Variants in AHRR observed in about 807,000 individuals in gnomAD.
The protein encoded by AHRR is aryl hydrocarbon receptor repressor, also known as ahR repressor.
AHRR carries 28 observed loss-of-function variants against 44.0 expected under a neutral mutation model. That is an observed-to-expected ratio of 0.64 (90% confidence interval 0.47 to 0.87). The LOEUF (loss-of-function observed/expected upper bound fraction) is 0.87, where lower values mean the gene tolerates loss of function less well. Ranked by LOEUF, AHRR falls within the 40% of genes least tolerant of loss-of-function variation. The probability of loss-of-function intolerance (pLI) is 0.00; values close to 1 mark genes in which losing one functional copy is unlikely to be tolerated. For missense variants in AHRR, 990 were observed against 953.9 expected, an observed-to-expected ratio of 1.04 and a Z score of -0.50; for synonymous variants, 434 against 407.0, an observed-to-expected ratio of 1.07 and a Z score of -0.80.
chr5:421,247 G>A, intron 5 of AHRR: 1 of 696,102 alleles, frequency 1.4e-6, no homozygotes, highest in Non-Finnish European at 2.6e-6. Flanking sequence ...CCGCGGTTCA[G>A]CCACGGAGCG....
Position 434,668 on chromosome 5 carries a change from C to T in AHRR, c.1928C>T (p.Ser643Phe), listed in dbSNP as rs1736918322. Reference sequence around the variant, plus strand: ...TGTGCACGGGGCCGAGGTGAACAGTCCTGCACCTGCAGAGCTGCTGAGGCC... The same window carrying T: ...TGTGCACGGGGCCGAGGTGAACAGTTCTGCACCTGCAGAGCTGCTGAGGCC... ...QLCARGRGEQ[S>F]CTCRAAEAAP... is the part of the protein sequence containing the mutation. Residue 643 changes from serine to phenylalanine, a missense_variant, in exon 11 of 11, where the codon TCC (serine) becomes TTC (phenylalanine). By Grantham distance (155) the Ser-to-Phe change is radical. Coordinates refer to ENST00000684583, the MANE Select transcript of AHRR (RefSeq NM_001377236.1). 1.3e-6 allele frequency: 2 copies of T among 1,567,936 alleles called. No individual in the cohort carries two copies. Among genetic ancestry groups the T allele is most frequent in the Non-Finnish European group, 1.7e-6 (2 of 1,156,328 alleles).
Position 366,708 on chromosome 5 carries a change from G to A in AHRR, c.245-9902G>A, listed in dbSNP as rs562916011. 3.3e-5 allele frequency among the ~76,000 whole-genome samples: 5 copies of A among 152,334 alleles called. No individual in the cohort carries two copies. The South Asian group carries it at 8.3e-4, about 25-fold the overall frequency. ...TGATCGATCTTACCCGCCAATAGTG[G>A]AATAAGCCGGCATTGTGCACCCCGC... On this transcript the variant is annotated intron_variant, in intron 3 of 10. Transcript: ENST00000684583.
intron 4 of AHRR, among the ~76,000 whole-genome samples, chr5:379,876 T>C (rs1262786368): frequency 6.6e-6 from 1 of 152,226 alleles, no homozygotes; most frequent in East Asian, 1.9e-4. Context: ...TTTTTGTAGA[T>C]TGATTTTGTT....
chr5:415,677 T>TGGGG (rs2126518892), intron 5 of AHRR, among the ~76,000 whole-genome samples: 1 of 136,368 alleles, frequency 7.3e-6, no homozygotes. Context: ...ATCTGCCTGG[T>TGGGG]CGGGCGGGAG....
rs529863259 is a variant in AHRR at position 410,388 on chromosome 5, T to G, written c.352-2956T>G. Among the ~76,000 whole-genome samples, 235 of 152,022 alleles carry G rather than the reference T, an allele frequency of 1.5e-3. 1 individual carries two copies. The highest frequency in any genetic ancestry group is 5.4e-3 in the African/African-American group (224 of 41,470). ...GTTTTTAAAGTTTTTGTTTGCTTGT[T>G]TTTTGTAGAGACGGGGTCTCACTAT... On this transcript the variant is annotated intron_variant, in intron 4 of 10. Coordinates refer to ENST00000684583, the MANE Select transcript of AHRR (RefSeq NM_001377236.1).
At chr5:428,225 A>G (rs1196320716) in intron 8 of AHRR, among the ~76,000 whole-genome samples, 1 of 152,264 alleles carries the variant, frequency 6.6e-6, no homozygotes, top group African/African-American at 2.4e-5. Flanking sequence ...CGTTGCCTGT[A>G]TCGATTCATT....
chr5:400,022 C>T (rs1255810490), intron 4 of AHRR, among the ~76,000 whole-genome samples: 3 of 152,336 alleles, frequency 2.0e-5, no homozygotes, highest in African/African-American at 4.8e-5. Context: ...TCCAGGAGGC[C>T]GGGCCAGCTG....
At chr5:364,805 G>T (rs1743300654) in intron 3 of AHRR, among the ~76,000 whole-genome samples, 2 of 151,896 alleles carry the variant, frequency 1.3e-5, no homozygotes. Context: ...GATGGGAAAG[G>T]GTATACTGGG....
chr5:353,008 TGA>T (rs1285718829), intron 2 of AHRR, among the ~76,000 whole-genome samples: 1 of 152,092 alleles, frequency 6.6e-6, no homozygotes, highest in Admixed American at 6.5e-5. Context: ...GTAGGTTGGG[TGA>T]GAGGGGTCAG....
chr5:427,763 G>T (rs1736511003), intron 7 of AHRR, 44 bp from the exon 8 acceptor site: 1 of 1,611,738 alleles, frequency 6.2e-7, no homozygotes, highest in Non-Finnish European at 8.5e-7. Flanking sequence ...ACCTTGCCAG[G>T]CCACTTGGTG....
chr5:334,607 C>A (rs986878156), intron 1 of AHRR, among the ~76,000 whole-genome samples: 1 of 151,714 alleles, frequency 6.6e-6, no homozygotes, highest in African/African-American at 2.4e-5. Context: ...CTTCTGAGTT[C>A]TTTGTATTGA....
At chr5:386,575 G>C (rs757446877) in intron 4 of AHRR, among the ~76,000 whole-genome samples, 2 of 152,242 alleles carry the variant, frequency 1.3e-5, no homozygotes, top group Non-Finnish European at 2.9e-5. Context: ...CTTGAAGCTG[G>C]GAAAAGCAGC....
chr5:355,511 G>A (rs1476634453), intron 3 of AHRR, among the ~76,000 whole-genome samples: 2 of 152,142 alleles, frequency 1.3e-5, no homozygotes, highest in African/African-American at 2.4e-5. Context: ...CACCGACACC[G>A]CACAGCCTCA....
chr5:322,129 G>T (rs1741517845), intron 1 of AHRR, among the ~76,000 whole-genome samples: 1 of 152,044 alleles, frequency 6.6e-6, no homozygotes, highest in African/African-American at 2.4e-5. Context: ...CGCGCTCCCT[G>T]GGGCTGGGCG....
At chr5:403,682 ATTT>A in intron 4 of AHRR, 5 of 582,414 alleles carry the variant, frequency 8.6e-6, no homozygotes, top group African/African-American at 2.3e-5. Flanking sequence ...TTAAAATGGT[ATTT>A]TTTTTTTTTT....
rs1483439952 is a variant in AHRR at position 343,907 on chromosome 5, T to A, written c.5T>A (p.Ile2Asn). The A allele has an allele frequency of 1.9e-5, 30 of 1,599,820 alleles. No homozygotes were observed. The highest frequency in any genetic ancestry group is 2.4e-5 in the Non-Finnish European group (28 of 1,174,094). The change falls in exon 2 of 11, where the codon ATC becomes AAC. Residue 2 changes from isoleucine to asparagine, a missense_variant. Transcript: ENST00000684583. ...TTGTCTTCCAGGCCGAGGACGATGATCCCGCCGGGGGAGTGCACGTACGCG... is the reference window on the plus strand; with the variant it reads ...TTGTCTTCCAGGCCGAGGACGATGAACCCGCCGGGGGAGTGCACGTACGCG... M[I>N]PPGECTYAGR... is the part of the protein sequence containing the mutation.
intron 3 of AHRR, among the ~76,000 whole-genome samples, chr5:361,935 A>T (rs1173379850): frequency 6.6e-6 from 1 of 152,176 alleles, no homozygotes; most frequent in Non-Finnish European, 1.5e-5. Flanking sequence ...GTTGGGATGG[A>T]GTTAATGTAT....
At chr5:421,417 C>G (rs1266880283) in intron 5 of AHRR, 1 of 553,572 alleles carries the variant, frequency 1.8e-6, no homozygotes, top group African/African-American at 2.0e-5. Flanking sequence ...CTCAGAGGCA[C>G]AGGCAGAAGC....
At chr5:372,941 G>A (rs1241971123) in intron 3 of AHRR, among the ~76,000 whole-genome samples, 2 of 152,222 alleles carry the variant, frequency 1.3e-5, no homozygotes, top group East Asian at 3.8e-4. Flanking sequence ...AGGACCCCAT[G>A]GGAAGCCTGA....
Sources: allele counts gnomAD v4.1 joint callset (sites outside exome capture counted in the v4.1 genomes callset), GRCh38; gene constraint gnomAD v4.1.1; transcripts MANE v1.5; gene names NCBI Gene and HGNC (gene_info 2026-07-23, HGNC 2026-07-21).